PRDM11: variants seen among roughly 807,000 people sequenced by gnomAD.
The protein encoded by PRDM11 is PR domain-containing protein 11.
PRDM11 carries 20 observed loss-of-function variants against 97.8 expected under a neutral mutation model. The observed-to-expected ratio is 0.20, with a 90% confidence interval of 0.14 to 0.30. PRDM11 has a LOEUF of 0.30. Ranked by LOEUF, PRDM11 falls within the 10% of genes least tolerant of loss-of-function variation. The probability of loss-of-function intolerance (pLI) is 1.00; values close to 1 mark genes in which losing one functional copy is unlikely to be tolerated. For synonymous variants in PRDM11, 599 were observed against 637.7 expected (o/e 0.94, Z 0.91); for missense variants, 1,139 against 1,555.2 (o/e 0.73, Z 4.50).
intron 4 of PRDM11, among the ~76,000 whole-genome samples, chr11:45,191,450 C>T (rs1341949488): frequency 6.6e-6 from 1 of 152,186 alleles, no homozygotes; most frequent in Non-Finnish European, 1.5e-5. Context: ...AGATAGTGCT[C>T]AACCTTCACC....
chr11:45,229,448 AG>A lies in PRDM11; in HGVS notation c.*1291del, dbSNP rs1854352838. 2 of 152,020 alleles carry A rather than the reference AG, an allele frequency of 1.3e-5. No individual in the cohort carries two copies. Among genetic ancestry groups the A allele is most frequent in the African/African-American group, 4.8e-5 (2 of 41,308 alleles). 9.4% of individuals were successfully genotyped at this position (152,020 alleles called of 1,614,324 possible). The stretch of plus-strand genomic sequence containing the variant: ...TGGAGAAAAGAAGAGAGGACTCTCA[AG>A]GCATCAGCCTACACAGACACACACA... On this transcript the variant is annotated 3_prime_UTR_variant, in exon 8 of 8. Transcript: ENST00000683152.
In PRDM11 at chr11:45,146,751, G is replaced by C. The variant is rs1590378383; in HGVS notation, c.-133G>C. The C allele has an allele frequency of 6.8e-6, 1 of 147,952 alleles. No homozygotes were observed. Among genetic ancestry groups the C allele is most frequent in the African/African-American group, 2.4e-5 (1 of 40,836 alleles). 9.2% of individuals were successfully genotyped at this position (147,952 alleles called of 1,614,324 possible). A position where few individuals can be genotyped will look rare whatever the true frequency, so the allele number is the denominator to read the frequency against. On this transcript the variant is annotated 5_prime_UTR_variant, in exon 1 of 8. Coordinates refer to ENST00000683152, the MANE Select transcript of PRDM11 (RefSeq NM_001384648.1). ...TGAAACTTTGCCTCGCCGGGGACCA[G>C]CGCGCCCGCAGCGCGGCCGCTCCCT...
intron 1 of PRDM11, among the ~76,000 whole-genome samples, chr11:45,103,307 A>G (rs772665734): frequency 3.9e-5 from 6 of 152,220 alleles, no homozygotes; most frequent in Non-Finnish European, 7.3e-5. Flanking sequence ...TGGTAGACAT[A>G]TGAAACTACA....
At chr11:45,202,218 G>T (rs1853354808) in intron 4 of PRDM11, among the ~76,000 whole-genome samples, 1 of 152,168 alleles carries the variant, frequency 6.6e-6, no homozygotes, top group South Asian at 2.1e-4. Flanking sequence ...TAGGAACCAG[G>T]GCCACCATTG....
intron 1 of PRDM11, among the ~76,000 whole-genome samples, chr11:45,180,214 A>G (rs1852434125): frequency 6.6e-6 from 1 of 152,210 alleles, no homozygotes; most frequent in South Asian, 2.1e-4. Flanking sequence ...GCAGGGGGCC[A>G]TCCCACAGGC....
intron 4 of PRDM11, among the ~76,000 whole-genome samples, chr11:45,186,091 A>T (rs1411849429): frequency 6.6e-6 from 1 of 152,166 alleles, no homozygotes; most frequent in African/African-American, 2.4e-5. Context: ...CCCTGCCAAC[A>T]CCTTGATTGT....
chr11:45,218,266 C>T (rs1854014800), intron 5 of PRDM11, among the ~76,000 whole-genome samples: 1 of 152,102 alleles, frequency 6.6e-6, no homozygotes, highest in South Asian at 2.1e-4. Flanking sequence ...AGCCATATTG[C>T]CAAATTGTTT....
At chr11:45,134,707 A>G (rs1458241801) in intron 1 of PRDM11, among the ~76,000 whole-genome samples, 1 of 138,994 alleles carries the variant, frequency 7.2e-6, no homozygotes, top group Non-Finnish European at 1.5e-5. Context: ...TCACGAAAAA[A>G]AAAAAAAAAA....
At chr11:45,199,974 G>C (rs887662631) in intron 4 of PRDM11, among the ~76,000 whole-genome samples, 3 of 152,168 alleles carry the variant, frequency 2.0e-5, no homozygotes, top group Non-Finnish European at 4.4e-5. Context: ...TCCACCATGG[G>C]ACTGGCCATG....
chr11:45,184,312 T>C (rs75320404), intron 4 of PRDM11, among the ~76,000 whole-genome samples: 3,566 of 152,288 alleles, frequency 0.023, 60 homozygotes, highest in Non-Finnish European at 0.036. Flanking sequence ...TTTAATAATG[T>C]AGGAGTTGGG....
chr11:45,224,122 T>G (rs778952748), intron 6 of PRDM11, 95 bp from the exon 7 acceptor site: 1 of 1,407,040 alleles, frequency 7.1e-7, no homozygotes, highest in East Asian at 2.3e-5. Flanking sequence ...GAGGGATGTG[T>G]CAGGTGACCT....
At chr11:45,130,425 A>G (rs1334099580) in intron 1 of PRDM11, among the ~76,000 whole-genome samples, 1 of 152,200 alleles carries the variant, frequency 6.6e-6, no homozygotes. Flanking sequence ...ACAAGAAAGG[A>G]TATTCAAATG....
At chr11:45,157,737 G>A (rs1350971812) in intron 1 of PRDM11, among the ~76,000 whole-genome samples, 1 of 152,350 alleles carries the variant, frequency 6.6e-6, no homozygotes, top group South Asian at 2.1e-4. Flanking sequence ...GGTTGGTGGG[G>A]TCACACCTGG....
chr11:45,225,056 ATCC>A (rs1854241063), intron 7 of PRDM11: 5 of 1,442,264 alleles, frequency 3.5e-6, no homozygotes, highest in Non-Finnish European at 4.5e-6. Flanking sequence ...TTGCCCTTGT[ATCC>A]TCCTTGTCAA....
At chr11:45,120,893 G>C (rs767970824) in intron 1 of PRDM11, among the ~76,000 whole-genome samples, 10 of 152,152 alleles carry the variant, frequency 6.6e-5, no homozygotes, top group Non-Finnish European at 1.5e-4. Flanking sequence ...GGCAAGAGCA[G>C]ATAAAGTTGA....
At chr11:45,114,200 T>G (rs1852253094) in intron 1 of PRDM11, among the ~76,000 whole-genome samples, 1 of 152,088 alleles carries the variant, frequency 6.6e-6, no homozygotes, top group Non-Finnish European at 1.5e-5. Flanking sequence ...AACAAAAATG[T>G]TTATAATGAA....
chr11:45,187,779 A>C (rs1852758417), intron 4 of PRDM11, among the ~76,000 whole-genome samples: 1 of 150,870 alleles, frequency 6.6e-6, no homozygotes, highest in South Asian at 2.1e-4. Flanking sequence ...CCAGATGCTT[A>C]AAGTGGCTCA....
chr11:45,144,800 C>T (rs1308024234), upstream of PRDM11, among the ~76,000 whole-genome samples: 1 of 152,224 alleles, frequency 6.6e-6, no homozygotes, highest in African/African-American at 2.4e-5. Flanking sequence ...TCAAAAGGAA[C>T]AACAAATGGC....
chr11:45,138,863 T>C (rs1376169291), intron 1 of PRDM11, among the ~76,000 whole-genome samples: 1 of 152,216 alleles, frequency 6.6e-6, no homozygotes, highest in Non-Finnish European at 1.5e-5. Flanking sequence ...TAAATTTCCA[T>C]ACAGCAAAAG....
Sources: gnomAD v4.1 joint callset for allele counts (sites outside exome capture counted in the v4.1 genomes callset) on GRCh38, gnomAD v4.1.1 for gene constraint, MANE v1.5 for transcripts, NCBI Gene and HGNC (gene_info 2026-07-23, HGNC 2026-07-21) for gene names.